Variants in ADAMTSL1 observed in about 807,000 individuals in gnomAD.
ADAMTSL1 encodes ADAMTS-like protein 1.
Under a neutral mutation model 201.8 loss-of-function variants are expected in ADAMTSL1, and 126 were observed. The observed-to-expected ratio is 0.62, with a 90% CI of 0.54 to 0.72. ADAMTSL1 has a LOEUF of 0.72. Among genes scored for constraint, ADAMTSL1 ranks in the 30% least tolerant of loss-of-function variants. The probability of loss-of-function intolerance (pLI) is 0.00; values close to 1 mark genes in which losing one functional copy is unlikely to be tolerated. For synonymous variants in ADAMTSL1, 1,121 were observed against 903.4 expected, an observed-to-expected ratio of 1.24 and a Z score of -4.32; for missense variants, 2,679 against 2,277.8, an observed-to-expected ratio of 1.18 and a Z score of -3.59.
chr9:18,411,776 C>T (rs1818454696), intron 2 of ADAMTSL1, among the ~76,000 whole-genome samples: 4 of 152,228 alleles, frequency 2.6e-5, no homozygotes, highest in Admixed American at 2.6e-4. Context: ...TCATAATATG[C>T]ATCACTAACT....
chr9:18,658,049 G>A (rs958482787), intron 8 of ADAMTSL1, among the ~76,000 whole-genome samples: 12 of 147,156 alleles, frequency 8.2e-5, no homozygotes, highest in East Asian at 4.1e-4. Context: ...ATCTCGGCTC[G>A]CTGCAAGCTC....
At chr9:18,481,020 A>G (rs1239168948) in intron 1 of ADAMTSL1, among the ~76,000 whole-genome samples, 3 of 152,192 alleles carry the variant, frequency 2.0e-5, no homozygotes, top group Non-Finnish European at 4.4e-5. Context: ...CGAATATAAC[A>G]GAAAAAGATG....
chr9:18,381,985 T>C (rs1390367823), intron 2 of ADAMTSL1, among the ~76,000 whole-genome samples: 2 of 152,200 alleles, frequency 1.3e-5, no homozygotes, highest in Admixed American at 1.3e-4. Flanking sequence ...GTCAATGAAA[T>C]ATTTTTCCTG....
At chr9:18,797,469 A>T (rs1822498684) in intron 20 of ADAMTSL1, among the ~76,000 whole-genome samples, 1 of 152,306 alleles carries the variant, frequency 6.6e-6, no homozygotes, top group East Asian at 1.9e-4. Context: ...GTGGTCCCTG[A>T]TGCTTACAGA....
chr9:18,260,653 TG>T (rs1377296295), intron 2 of ADAMTSL1, among the ~76,000 whole-genome samples: 1 of 152,212 alleles, frequency 6.6e-6, no homozygotes, highest in Admixed American at 6.5e-5. Flanking sequence ...CCAATCTGGT[TG>T]CCTACTTGTT....
At chr9:18,263,535 T>C (rs1355487576) in intron 2 of ADAMTSL1, among the ~76,000 whole-genome samples, 1 of 152,226 alleles carries the variant, frequency 6.6e-6, no homozygotes, top group Non-Finnish European at 1.5e-5. Flanking sequence ...CTCATTTATA[T>C]GTTGACATCC....
chr9:18,456,594 A>C (rs1820615367), intron 2 of ADAMTSL1, among the ~76,000 whole-genome samples: 1 of 152,120 alleles, frequency 6.6e-6, no homozygotes. Context: ...ACTTCTATAA[A>C]AGTCTTTCAC....
intron 1 of ADAMTSL1, among the ~76,000 whole-genome samples, chr9:17,955,879 A>G (rs58556003): frequency 0.012 from 1,888 of 152,262 alleles, 35 homozygotes; most frequent in African/African-American, 0.044. Context: ...TTCTTAGGAT[A>G]TGTCTCCTGG....
intron 15 of ADAMTSL1, among the ~76,000 whole-genome samples, chr9:18,727,049 G>C (rs1449789870): frequency 2.0e-5 from 3 of 152,198 alleles, no homozygotes; most frequent in African/African-American, 7.2e-5. Context: ...GCATACTTCA[G>C]AATGCCTATT....
chr9:18,119,131 C>T (rs1825388969), intron 1 of ADAMTSL1, among the ~76,000 whole-genome samples: 1 of 152,020 alleles, frequency 6.6e-6, no homozygotes, highest in Non-Finnish European at 1.5e-5. Context: ...ACGGTATGAA[C>T]TAATATTTTA....
At chr9:18,735,045 A>G (rs1472349346) in intron 15 of ADAMTSL1, among the ~76,000 whole-genome samples, 3 of 152,218 alleles carry the variant, frequency 2.0e-5, no homozygotes, top group Admixed American at 1.3e-4. Flanking sequence ...CTCTGTCCCT[A>G]TGGACAACAC....
chr9:18,061,669 T>C (rs1822461695), intron 1 of ADAMTSL1, among the ~76,000 whole-genome samples: 1 of 152,196 alleles, frequency 6.6e-6, no homozygotes, highest in African/African-American at 2.4e-5. Flanking sequence ...AGTATAAATA[T>C]AGCATTCAGT....
chr9:18,408,646 G>C (rs1007919809), intron 2 of ADAMTSL1, among the ~76,000 whole-genome samples: 1 of 152,092 alleles, frequency 6.6e-6, no homozygotes, highest in African/African-American at 2.4e-5. Context: ...AACAATTATT[G>C]AAACAAAAGT....
intron 2 of ADAMTSL1, among the ~76,000 whole-genome samples, chr9:18,332,484 T>A (rs1835071488): frequency 6.6e-6 from 1 of 152,090 alleles, no homozygotes; most frequent in Non-Finnish European, 1.5e-5. Flanking sequence ...AAAATCCTGC[T>A]CTCTCACTCA....
intron 2 of ADAMTSL1, among the ~76,000 whole-genome samples, chr9:18,166,156 GCA>G (rs2132103749): frequency 6.6e-6 from 1 of 151,992 alleles, no homozygotes; most frequent in Admixed American, 6.6e-5. Flanking sequence ...AGACATTTAT[GCA>G]CACGTTTCAC....
chr9:18,752,182 C>T (rs565668415), intron 15 of ADAMTSL1, among the ~76,000 whole-genome samples: 24 of 151,402 alleles, frequency 1.6e-4, no homozygotes, highest in African/African-American at 5.6e-4. Flanking sequence ...GAATAACAAA[C>T]AGATTATTAC....
rs754067169 is a variant in ADAMTSL1 at position 18,073,082 on chromosome 9, A to G, written c.88-90780A>G. On this transcript the variant is annotated intron_variant, in intron 1 of 29. Coordinates refer to the ADAMTSL1 transcript ENST00000680146. ...AGCGTTATCTTCATTAATGAAGAGC[A>G]CTGAAGTTCATGACATTCTGAGAGG... is the stretch of plus-strand genomic sequence containing the variant. Among the ~76,000 whole-genome samples the G allele has an allele frequency of 9.8e-5, 15 of 152,322 alleles. No homozygotes were observed. The East Asian group carries it at 1.9e-3, about 20-fold the overall frequency.
At chr9:18,828,691 TATAAA>T (rs1824769292) in intron 22 of ADAMTSL1, among the ~76,000 whole-genome samples, 1 of 109,792 alleles carries the variant, frequency 9.1e-6, no homozygotes, top group Non-Finnish European at 1.7e-5. Context: ...TATATATATA[TATAAA>T]ATGTGTGTGT....
chr9:17,938,650 G>T (rs1018832390), intron 1 of ADAMTSL1, among the ~76,000 whole-genome samples: 2 of 152,104 alleles, frequency 1.3e-5, no homozygotes, highest in African/African-American at 4.8e-5. Context: ...GAAAGCCCCC[G>T]ACCAAACAAA....
Sources: allele counts gnomAD v4.1 joint callset (sites outside exome capture counted in the v4.1 genomes callset), GRCh38; gene constraint gnomAD v4.1.1; transcripts MANE v1.5; gene names NCBI Gene and HGNC (gene_info 2026-07-23, HGNC 2026-07-21).